The following EFCAB5 variants were observed in gnomAD, a reference collection of about 807,000 sequenced individuals.
The protein encoded by EFCAB5 is EF-hand calcium binding domain 5, also known as EF-hand calcium-binding domain-containing protein 5.
EFCAB5 carries 131 observed loss-of-function variants against 167.9 expected under a neutral mutation model. That is an observed-to-expected ratio of 0.78 (90% confidence interval 0.68 to 0.90). The LOEUF is 0.90. Ranked by LOEUF, EFCAB5 falls within the 40% of genes least tolerant of loss-of-function variation. The pLI is 0.00. For synonymous variants in EFCAB5, 574 were observed against 602.8 expected (o/e 0.95, Z 0.70); for missense variants, 1,663 against 1,745.2 (o/e 0.95, Z 0.84).
chr17:30,055,943 A>G lies in EFCAB5; in HGVS notation c.2250A>G (p.Lys750=). ...KDKPCEPKSQ[K]IEGKSWSGEF... ...AGCCCTGTGAACCCAAGTCCCAAAA[A>G]ATAGAAGGAAAGTCATGGTCAGGTA... The change falls in exon 11 of 23, where the codon AAA becomes AAG. Residue 750 remains lysine (K), a synonymous_variant. Coordinates refer to ENST00000394835, the MANE Select transcript of EFCAB5 (RefSeq NM_198529.4). The G allele has an allele frequency of 5.0e-6, 8 of 1,613,738 alleles. No individual in the cohort carries two copies. Among genetic ancestry groups the G allele is most frequent in the Non-Finnish European group, 6.8e-6 (8 of 1,179,786 alleles).
At chr17:29,963,034 A>C (rs1452500338) in intron 3 of EFCAB5, among the ~76,000 whole-genome samples, 4 of 152,056 alleles carry the variant, frequency 2.6e-5, no homozygotes, top group African/African-American at 9.7e-5. Context: ...CTCAAACTCC[A>C]GGGTTCAAGT....
chr17:29,976,344 A>G (rs541678806), intron 4 of EFCAB5, among the ~76,000 whole-genome samples: 1 of 152,258 alleles, frequency 6.6e-6, no homozygotes, highest in African/African-American at 2.4e-5. Flanking sequence ...AGTTTTAGTT[A>G]AAGGTTGCTC....
rs948294395 is a variant in EFCAB5 at position 30,061,892 on chromosome 17, A to G, written c.2737+2191A>G. On this transcript the variant is annotated intron_variant, in intron 14 of 22. Transcript: ENST00000394835. Reference sequence around the variant, plus strand: ...CTCATTTCCCCTTTTATTCCTGTCTAATACAGCCTAATCTTTTGGGCAGAA... The same window carrying G: ...CTCATTTCCCCTTTTATTCCTGTCTGATACAGCCTAATCTTTTGGGCAGAA... Among the ~76,000 whole-genome samples, 6 of 152,170 alleles carry G rather than the reference A, an allele frequency of 3.9e-5. No homozygotes were observed. In the East Asian group the frequency reaches 1.2e-3, roughly 29 times the overall value.
chr17:29,947,001 C>G (rs1299798003), intron 3 of EFCAB5, among the ~76,000 whole-genome samples: 2 of 151,740 alleles, frequency 1.3e-5, no homozygotes, highest in Non-Finnish European at 2.9e-5. Context: ...TGGTGAAACC[C>G]CGTCTGTACT....
At chr17:30,046,878 GTAT>G (rs1342148392) in intron 8 of EFCAB5, among the ~76,000 whole-genome samples, 2 of 152,116 alleles carry the variant, frequency 1.3e-5, no homozygotes, top group African/African-American at 4.8e-5. Context: ...TCTGATCTTG[GTAT>G]TGCTCCAGGA....
At chr17:30,057,575 A>C (rs2070306152) in intron 12 of EFCAB5, 101 bp from the exon 13 acceptor site, 1 of 957,804 alleles carries the variant, frequency 1.0e-6, no homozygotes, top group South Asian at 1.6e-5. Context: ...GATTCCTGAC[A>C]GTCAAAAATG....
chr17:30,108,068 T>C lies in EFCAB5; in HGVS notation c.*44T>C. 4 of 1,539,052 alleles carry C rather than the reference T, an allele frequency of 2.6e-6. No individual in the cohort carries two copies. The highest frequency in any genetic ancestry group is 2.6e-6 in the Non-Finnish European group (3 of 1,151,886). On this transcript the variant is annotated 3_prime_UTR_variant, in exon 23 of 23. Transcript: ENST00000394835. Reference sequence around the variant, plus strand: ...TTGATACTGTATTTAGGATCCTTTGTTTGTTATCAGTTTTGTTTGTTAACT... The same window carrying C: ...TTGATACTGTATTTAGGATCCTTTGCTTGTTATCAGTTTTGTTTGTTAACT...
chr17:30,080,923 C>A lies in EFCAB5; in HGVS notation c.3368C>A (p.Thr1123Asn), dbSNP rs185973844. The A allele has an allele frequency of 6.2e-7, 1 of 1,613,588 alleles. No homozygotes were observed. Among genetic ancestry groups the A allele is most frequent in the East Asian group, 2.2e-5 (1 of 44,860 alleles). The change falls in exon 17 of 23, where the codon ACC (threonine) becomes AAC (asparagine). Residue 1123 changes from threonine (T) to asparagine (N), a missense_variant. Coordinates refer to ENST00000394835, the MANE Select transcript of EFCAB5 (RefSeq NM_198529.4). ...ATCTTTGGGGTCTTGGCTGTTGATA[C>A]CCTTAGAGATCCCCACGAAATAAAC... ...MRIFGVLAVD[T>N]LRDPHEINIF...
chr17:29,972,020 C>T (rs2067964167), intron 4 of EFCAB5, among the ~76,000 whole-genome samples: 1 of 151,794 alleles, frequency 6.6e-6, no homozygotes, highest in Non-Finnish European at 1.5e-5. Flanking sequence ...TGACATTACC[C>T]CTTTAGTCTT....
chr17:30,064,904 T>C (rs1331041327), intron 14 of EFCAB5, among the ~76,000 whole-genome samples: 1 of 151,862 alleles, frequency 6.6e-6, no homozygotes, highest in African/African-American at 2.4e-5. Context: ...CAGAATGGGG[T>C]GATATATTCA....
At chr17:29,972,204 A>ATTTTTTTTT (rs11409322) in intron 4 of EFCAB5, among the ~76,000 whole-genome samples, 1 of 127,452 alleles carries the variant, frequency 7.8e-6, no homozygotes, top group Non-Finnish European at 1.6e-5. Context: ...CGCCCGGCTA[A>ATTTTTTTTT]TTTTTTTTTT....
chr17:30,054,081 G>A lies in EFCAB5; in HGVS notation c.2127G>A (p.Glu709=). 1.9e-6 allele frequency: 3 copies of A among 1,589,494 alleles called. No individual in the cohort carries two copies. Among genetic ancestry groups the A allele is most frequent in the Non-Finnish European group, 1.7e-6 (2 of 1,167,006 alleles). The stretch of plus-strand genomic sequence containing the variant: ...GGTCTTGGGAACAAACATATGAAGA[G>A]GAAATATTCCTGAGTTCTGAACTGC... The part of the protein sequence containing the change: ...EKRSWEQTYE[E]EIFLSSELQE... Residue 709 remains glutamate, a synonymous_variant, in exon 10 of 23, where the codon GAG becomes GAA. Transcript: ENST00000394835.
chr17:29,970,117 C>T (rs1263476192), intron 4 of EFCAB5, among the ~76,000 whole-genome samples: 1 of 152,180 alleles, frequency 6.6e-6, no homozygotes, highest in African/African-American at 2.4e-5. Flanking sequence ...ATTTAACCTA[C>T]TGTAACATGT....
At chr17:30,033,175 T>A (rs928800945) in intron 7 of EFCAB5, among the ~76,000 whole-genome samples, 1 of 151,816 alleles carries the variant, frequency 6.6e-6, no homozygotes, top group Admixed American at 6.6e-5. Flanking sequence ...GCCTCTCGGG[T>A]TCACGCCATT....
chr17:30,102,205 T>G, intron 22 of EFCAB5, among the ~76,000 whole-genome samples: 1 of 152,130 alleles, frequency 6.6e-6, no homozygotes, highest in East Asian at 1.9e-4. Flanking sequence ...GGAAGTTGCC[T>G]TCTGATTGTG....
chr17:29,973,872 A>G (rs2068010034), intron 4 of EFCAB5, among the ~76,000 whole-genome samples: 1 of 151,432 alleles, frequency 6.6e-6, no homozygotes. Flanking sequence ...AAAAGCTTCA[A>G]AATGGCCCAG....
At position 30,092,841 on chromosome 17, in the gene EFCAB5, A is replaced by G; in HGVS notation, c.4226A>G (p.Tyr1409Cys). 1.9e-6 allele frequency: 3 copies of G among 1,607,422 alleles called. No homozygotes were observed. Among genetic ancestry groups the G allele is most frequent in the Non-Finnish European group, 2.6e-6 (3 of 1,176,248 alleles). Residue 1409 changes from tyrosine to cysteine, a missense_variant and splice_region_variant, in exon 22 of 23, where the codon TAT (tyrosine) becomes TGT (cysteine). Coordinates refer to ENST00000394835, the MANE Select transcript of EFCAB5 (RefSeq NM_198529.4). ...DFGSWDKCKF[Y>C]VNKYLVNNIC... ...TTTTCTCTTGTTGTTTGTTCACAGTATGTTAACAAATATTTAGTCAACAAT... is the reference window on the plus strand; with the variant it reads ...TTTTCTCTTGTTGTTTGTTCACAGTGTGTTAACAAATATTTAGTCAACAAT...
intron 10 of EFCAB5, among the ~76,000 whole-genome samples, chr17:30,055,524 A>G (rs1458641936): frequency 6.6e-6 from 1 of 152,204 alleles, no homozygotes; most frequent in African/African-American, 2.4e-5. Context: ...CACACCTCAA[A>G]CTGCAGAAGT....
intron 8 of EFCAB5, among the ~76,000 whole-genome samples, chr17:30,036,962 A>G (rs1420044449): frequency 6.6e-6 from 1 of 152,210 alleles, no homozygotes. Flanking sequence ...AGTCAGAGTT[A>G]GCACCTGATC....
Sources: gnomAD v4.1 joint callset for allele counts (sites outside exome capture counted in the v4.1 genomes callset) on GRCh38, gnomAD v4.1.1 for gene constraint, MANE v1.5 for transcripts, NCBI Gene and HGNC (gene_info 2026-07-23, HGNC 2026-07-21) for gene names.